The following FLNB variants were observed in gnomAD, a reference collection of about 807,000 sequenced individuals.
FLNB encodes filamin-B.
In FLNB, 111 loss-of-function variants were observed where a neutral mutation model predicts 250.6. The observed-to-expected ratio is 0.44, with a 90% CI of 0.38 to 0.52. The LOEUF is 0.52. FLNB is among the 20% of genes least tolerant of loss of function. The probability of loss-of-function intolerance (pLI) is 0.00; values close to 1 mark genes in which losing one functional copy is unlikely to be tolerated. For synonymous variants in FLNB, 1,302 were observed against 1,372.1 expected (o/e 0.95, Z 1.13); for missense variants, 2,869 against 3,447.8 (o/e 0.83, Z 4.20).
Position 58,153,393 on chromosome 3 carries a change from T to G in FLNB, c.6386T>G (p.Met2129Arg), listed in dbSNP as rs2107288748. 1 of 1,614,246 alleles carries G rather than the reference T, an allele frequency of 6.2e-7. No individual in the cohort carries two copies. Among genetic ancestry groups the G allele is most frequent in the Non-Finnish European group, 8.5e-7 (1 of 1,180,050 alleles). ...LKIPEINSSD[M>R]SAHVTSPSGR... The stretch of plus-strand genomic sequence containing the variant: ...CTTTCAGAAATCAACAGCAGTGATA[T>G]GTCGGCCCACGTCACCAGCCCCTCT... Residue 2129 changes from methionine (M) to arginine (R), a missense_variant, in exon 39 of 46, where the codon ATG (methionine) becomes AGG (arginine). Met to Arg is a moderately conservative substitution (Grantham distance 91). Transcript: ENST00000295956.
chr3:58,102,258 C>T lies in FLNB; in HGVS notation c.1401C>T (p.Val467=). Residue 467 remains valine, a synonymous_variant, in exon 9 of 46, where the codon GTC becomes GTT. Coordinates refer to ENST00000295956, the MANE Select transcript of FLNB (RefSeq NM_001457.4). The part of the protein sequence containing the change: ...ASGRGLQPKG[V]RIRETTDFKV... Reference sequence around the variant, plus strand: ...GCCGAGGCCTACAACCCAAAGGCGTCCGTATCCGGGAGACCACAGATTTCA... The same window carrying T: ...GCCGAGGCCTACAACCCAAAGGCGTTCGTATCCGGGAGACCACAGATTTCA... 1 of 1,614,224 alleles carries T rather than the reference C, an allele frequency of 6.2e-7. No individual in the cohort carries two copies. Among genetic ancestry groups the T allele is most frequent in the Non-Finnish European group, 8.5e-7 (1 of 1,180,018 alleles).
chr3:58,044,404 G>C (rs1028476733), intron 1 of FLNB, among the ~76,000 whole-genome samples: 5 of 151,996 alleles, frequency 3.3e-5, no homozygotes, highest in African/African-American at 1.2e-4. Context: ...CAAAGCCAGA[G>C]TGGGCAACAT....
intron 1 of FLNB, among the ~76,000 whole-genome samples, chr3:58,011,213 G>C (rs529451568): frequency 6.6e-6 from 1 of 151,936 alleles, no homozygotes; most frequent in African/African-American, 2.4e-5. Context: ...CGCCCAGCCC[G>C]GTCCTCCTTT....
chr3:58,133,767 T>C (rs866103456), intron 26 of FLNB, among the ~76,000 whole-genome samples: 6 of 152,074 alleles, frequency 3.9e-5, no homozygotes, highest in Non-Finnish European at 8.8e-5. Context: ...TTCACCCATA[T>C]CCCCTAACAC....
chr3:58,040,106 T>C (rs965873338), intron 1 of FLNB, among the ~76,000 whole-genome samples: 2 of 152,140 alleles, frequency 1.3e-5, no homozygotes. Flanking sequence ...GACTGTGCCG[T>C]TGTACTCTAG....
chr3:58,150,599 A>AG, intron 38 of FLNB: 1 of 326,796 alleles, frequency 3.1e-6, no homozygotes, highest in Non-Finnish European at 5.9e-6. Context: ...GTGGCAGCCC[A>AG]GCGGCATCCT....
intron 1 of FLNB, among the ~76,000 whole-genome samples, chr3:58,023,163 G>A (rs1658345): frequency 0.76 from 107,984 of 142,074 alleles, 41,277 homozygotes; most frequent in East Asian, 0.95. Context: ...CCAAACTGCA[G>A]TCTTGGCTCA....
rs759041188 is a variant in FLNB, at chr3:58,106,759, G to C, written c.1827G>C (p.Trp609Cys). ...ATGGATCGTGTGATGTCAAATACTG[G>C]CCCAAGGAGCCTGGCGAATATGCTG... is the stretch of plus-strand genomic sequence containing the variant. ...QNDGSCDVKY[W>C]PKEPGEYAVH... is the part of the protein sequence containing the mutation. The change falls in exon 12 of 46, where the codon TGG becomes TGC. Residue 609 changes from tryptophan (W) to cysteine (C), a missense_variant. Transcript: ENST00000295956. 1 of 1,614,092 alleles carries C rather than the reference G, an allele frequency of 6.2e-7. No homozygotes were observed.
chr3:58,149,728 G>A (rs1358796665), intron 36 of FLNB, 122 bp from the exon 37 acceptor site: 6 of 1,299,548 alleles, frequency 4.6e-6, no homozygotes, highest in African/African-American at 1.5e-5. Context: ...GGCCGCCATT[G>A]CTTTCTTTCT....
chr3:58,017,190 C>T (rs928866783), intron 1 of FLNB, among the ~76,000 whole-genome samples: 3 of 152,092 alleles, frequency 2.0e-5, no homozygotes, highest in South Asian at 4.1e-4. Context: ...GTACAGAGGA[C>T]GGAATTACTG....
intron 19 of FLNB, among the ~76,000 whole-genome samples, chr3:58,120,374 C>T (rs1299801412): frequency 1.3e-5 from 2 of 152,228 alleles, no homozygotes; most frequent in South Asian, 2.1e-4. Context: ...TGGGAAGTAG[C>T]GATCCGGGAC....
chr3:58,036,714 A>G (rs2097138603), intron 1 of FLNB, among the ~76,000 whole-genome samples: 1 of 152,258 alleles, frequency 6.6e-6, no homozygotes, highest in South Asian at 2.1e-4. Context: ...GACTGCTCCC[A>G]AGGCAAGAAG....
At chr3:58,077,405 C>A in intron 2 of FLNB, 111 bp downstream of exon 2, 1 of 1,373,274 alleles carries the variant, frequency 7.3e-7, no homozygotes, top group Non-Finnish European at 1.0e-6. Flanking sequence ...CGTATTTCTC[C>A]AGGTCTTAGC....
In FLNB at chr3:58,123,408, G is replaced by A. The variant is rs1299274364; in HGVS notation, c.3442G>A (p.Val1148Met). 6.2e-7 allele frequency: 1 copy of A among 1,614,150 alleles called. No homozygotes were observed. The highest frequency in any genetic ancestry group is 1.7e-5 in the Admixed American group (1 of 60,020). Residue 1148 changes from valine to methionine, a missense_variant, in exon 21 of 46, where the codon GTG becomes ATG. Val to Met is a conservative substitution (Grantham distance 21, BLOSUM62 1). This residue lies in a region of FLNB where 1,348 missense variants were observed against 1,466.7 expected (regional missense o/e 0.92). Coordinates refer to ENST00000295956, the MANE Select transcript of FLNB (RefSeq NM_001457.4). ...GGGGCCAGGTCTCGAGCACGGGAAG[G>A]TGGGTGAAGCTGGCCTCCTTAGCGT... is the stretch of plus-strand genomic sequence containing the variant. The part of the protein sequence containing the change: ...ASGPGLEHGK[V>M]GEAGLLSVDC...
intron 1 of FLNB, among the ~76,000 whole-genome samples, chr3:58,060,996 C>G (rs1216185226): frequency 6.6e-6 from 1 of 151,998 alleles, no homozygotes; most frequent in Admixed American, 6.6e-5. Context: ...ATTTGGATGG[C>G]CACTGAGAAA....
Position 58,153,445 on chromosome 3 carries a change from G to A in FLNB, c.6438G>A (p.Val2146=), listed in dbSNP as rs60599272. 5.4e-3 allele frequency: 8,685 copies of A among 1,614,242 alleles called. 390 individuals are homozygous for A. The African/African-American group carries it at 0.1, about 19-fold the overall frequency. Residue 2146 remains valine, a synonymous_variant, in exon 39 of 46, where the codon GTG becomes GTA. Transcript: ENST00000295956. ...PSGRVTEAEI[V]PMGKNSHCVR... ...GCCGTGTGACTGAGGCAGAGATTGT[G>A]CCCATGGGGAAGAACTCACACTGCG...
chr3:58,167,947 C>T (rs899705873), intron 43 of FLNB, among the ~76,000 whole-genome samples: 3 of 152,174 alleles, frequency 2.0e-5, no homozygotes, highest in African/African-American at 7.2e-5. Context: ...AGTGGCTGCA[C>T]CCGGTCTGCA....
chr3:58,057,894 G>T (rs13326446), intron 1 of FLNB, among the ~76,000 whole-genome samples: 11 of 151,956 alleles, frequency 7.2e-5, no homozygotes, highest in Admixed American at 7.2e-4. Context: ...AGGTTCAAGC[G>T]ATTCTCCTAC....
At chr3:58,061,687 C>T (rs761049194) in intron 1 of FLNB, among the ~76,000 whole-genome samples, 1 of 151,096 alleles carries the variant, frequency 6.6e-6, no homozygotes, top group Admixed American at 6.6e-5. Flanking sequence ...TGCAGTGAGC[C>T]GTGATTGCAC....
Sources: gnomAD v4.1 joint callset for allele counts (sites outside exome capture counted in the v4.1 genomes callset) on GRCh38, gnomAD v4.1.1 for gene constraint, gnomAD v4.1.1 regional missense constraint, MANE v1.5 for transcripts, NCBI Gene and HGNC (gene_info 2026-07-23, HGNC 2026-07-21) for gene names.